The following ANK2 variants were observed in gnomAD, a reference collection of about 807,000 sequenced individuals.
The protein encoded by ANK2 is ankyrin 2.
Under a neutral mutation model 360.5 loss-of-function variants are expected in ANK2, and 83 were observed. The ratio of observed to expected loss-of-function variants is 0.23; its 90% confidence interval spans 0.19 to 0.28. ANK2 has a LOEUF of 0.28. Ranked by LOEUF, ANK2 falls within the 10% of genes least tolerant of loss-of-function variation. ANK2 has a pLI of 1.00. For missense variants in ANK2, 4,201 were observed against 4,795.7 expected (o/e 0.88, Z 3.66); for synonymous variants, 1,740 against 1,759.5 (o/e 0.99, Z 0.28).
chr4:113,309,481 G>A (rs912539750), intron 23 of ANK2, among the ~76,000 whole-genome samples: 4 of 152,138 alleles, frequency 2.6e-5, no homozygotes, highest in African/African-American at 4.8e-5. Flanking sequence ...GGAACTCAGC[G>A]TAATCAGAGG....
chr4:113,186,924 T>TC (rs1218567382), intron 2 of ANK2, among the ~76,000 whole-genome samples: 2 of 152,038 alleles, frequency 1.3e-5, no homozygotes, highest in Non-Finnish European at 2.9e-5. Context: ...GTCCCCATAC[T>TC]CAGTTCATTT....
At chr4:113,254,957 T>G (rs1343766287) in intron 10 of ANK2, among the ~76,000 whole-genome samples, 1 of 146,040 alleles carries the variant, frequency 6.8e-6, no homozygotes, top group Non-Finnish European at 1.5e-5. Flanking sequence ...TATTGTTTCC[T>G]GAAAGTTTAT....
chr4:113,177,546 T>G (rs892158762), intron 2 of ANK2, among the ~76,000 whole-genome samples: 6 of 152,306 alleles, frequency 3.9e-5, no homozygotes, highest in African/African-American at 1.2e-4. Context: ...GAAAGTTCAT[T>G]TCAAACCAAG....
the ANK2 span, among the ~76,000 whole-genome samples, chr4:112,734,538 G>A: frequency 2.0e-5 from 3 of 152,302 alleles, no homozygotes; most frequent in South Asian, 4.1e-4. Context: ...TCAATGAAAG[G>A]CAAGTTGCCT....
At chr4:113,281,986 A>T (rs1386693718) in intron 17 of ANK2, among the ~76,000 whole-genome samples, 1 of 152,184 alleles carries the variant, frequency 6.6e-6, no homozygotes, top group African/African-American at 2.4e-5. Flanking sequence ...GGATCATGTC[A>T]TGTTCACCAT....
intron 39 of ANK2, among the ~76,000 whole-genome samples, chr4:113,362,658 C>T (rs921742371): frequency 2.0e-5 from 3 of 152,144 alleles, no homozygotes; most frequent in African/African-American, 7.2e-5. Flanking sequence ...CTATGTTGCT[C>T]AGGCTAGTCT....
At chr4:113,377,613 C>T (rs1433445193) in intron 45 of ANK2, among the ~76,000 whole-genome samples, 2 of 152,160 alleles carry the variant, frequency 1.3e-5, no homozygotes, top group Admixed American at 1.3e-4. Flanking sequence ...CTACTATACC[C>T]ATAATATATA....
chr4:112,956,864 G>C (rs1407618198), intron 2 of ANK2, among the ~76,000 whole-genome samples: 1 of 152,138 alleles, frequency 6.6e-6, no homozygotes, highest in Non-Finnish European at 1.5e-5. Flanking sequence ...AGTGGGTAAA[G>C]ATGTTAAGTG....
At chr4:113,376,510 A>G (rs1367186107) in intron 45 of ANK2, among the ~76,000 whole-genome samples, 1 of 152,200 alleles carries the variant, frequency 6.6e-6, no homozygotes. Context: ...TATACACTAC[A>G]GTAGACTTTA....
chr4:112,803,150 A>G, the ANK2 span, among the ~76,000 whole-genome samples: 1 of 152,204 alleles, frequency 6.6e-6, no homozygotes, highest in African/African-American at 2.4e-5. Flanking sequence ...GAGAATATCT[A>G]TCATAGTAGT....
intron 2 of ANK2, among the ~76,000 whole-genome samples, chr4:112,975,366 T>G (rs2041027237): frequency 6.6e-6 from 1 of 152,238 alleles, no homozygotes. Context: ...AAAAAAAATC[T>G]CTTCAGTACT....
chr4:112,852,900 A>G (rs1489519745), intron 1 of ANK2, among the ~76,000 whole-genome samples: 2 of 152,192 alleles, frequency 1.3e-5, no homozygotes, highest in African/African-American at 4.8e-5. Context: ...TTAAAAGAAA[A>G]CATTTGGGTG....
chr4:113,172,922 G>T (rs1035150442), intron 1 of ANK2, among the ~76,000 whole-genome samples: 14 of 152,246 alleles, frequency 9.2e-5, no homozygotes, highest in South Asian at 6.2e-4. Context: ...CATAGAATAG[G>T]CATTTAAAAA....
At chr4:112,844,628 T>C (rs6818236) in intron 1 of ANK2, among the ~76,000 whole-genome samples, 110,681 of 152,148 alleles carry the variant, frequency 0.73, 41,179 homozygotes, top group East Asian at 0.97. Context: ...AAGGAGAAAG[T>C]TAAATCAAAA....
At chr4:113,367,104 A>G (rs1428907010) in intron 41 of ANK2, among the ~76,000 whole-genome samples, 4 of 152,210 alleles carry the variant, frequency 2.6e-5, no homozygotes, top group Admixed American at 2.0e-4. Context: ...TAATACTTGC[A>G]GTGCACTTGA....
chr4:112,855,345 C>T (rs1484776574), intron 1 of ANK2, among the ~76,000 whole-genome samples: 3 of 152,210 alleles, frequency 2.0e-5, no homozygotes, highest in Non-Finnish European at 4.4e-5. Context: ...TCGTTGTCCA[C>T]ATCTGCTGAA....
chr4:113,378,152 C>A, intron 45 of ANK2: 3 of 1,277,652 alleles, frequency 2.3e-6, no homozygotes, highest in Non-Finnish European at 3.1e-6. Context: ...AGAATGAAAT[C>A]CTGAAAGAGG....
Position 113,354,091 on chromosome 4 carries a change from C to T in ANK2, c.5473C>T (p.Pro1825Ser), listed in dbSNP as rs750346186. ...SERHAPGSPSPKTERHSTLSS... is the reference protein window; with the variant it reads ...SERHAPGSPSSKTERHSTLSS... ...GAGACATGCGCCAGGGTCTCCCTCC[C>T]CTAAAACAGAAAGACACTCTACTCT... is the stretch of plus-strand genomic sequence containing the variant. Residue 1825 changes from proline to serine, a missense_variant, in exon 38 of 46, where the codon CCT (proline) becomes TCT (serine). Physicochemically the swap from Pro to Ser is moderately conservative, Grantham distance 74. Around this residue, in one of 4 missense-constraint regions of ANK2, gnomAD observed 2,642 missense variants for 2,714.5 expected, o/e 0.97. Transcript: ENST00000357077. 30 of 1,614,042 alleles carry T rather than the reference C, an allele frequency of 1.9e-5. No individual in the cohort carries two copies. The highest frequency in any genetic ancestry group is 2.5e-5 in the Non-Finnish European group (30 of 1,179,968).
chr4:113,108,501 T>C (rs965804235), intron 1 of ANK2, among the ~76,000 whole-genome samples: 6 of 152,186 alleles, frequency 3.9e-5, no homozygotes, highest in Non-Finnish European at 5.9e-5. Flanking sequence ...TTGCTGAGCA[T>C]ATAACTTTAC....
Sources: gnomAD v4.1 joint callset for allele counts (sites outside exome capture counted in the v4.1 genomes callset) on GRCh38, gnomAD v4.1.1 for gene constraint, gnomAD v4.1.1 regional missense constraint, MANE v1.5 for transcripts, NCBI Gene and HGNC (gene_info 2026-07-23, HGNC 2026-07-21) for gene names.